PRR12: variants seen among roughly 807,000 people sequenced by gnomAD.
PRR12 encodes proline-rich protein 12.
In PRR12, 12 loss-of-function variants were observed where a neutral mutation model predicts 138.0. That is an observed-to-expected ratio of 0.09 (90% CI 0.06 to 0.14). The LOEUF (loss-of-function observed/expected upper bound fraction) is 0.14, where lower values mean the gene tolerates loss of function less well. Ranked by LOEUF, PRR12 falls within the 10% of genes least tolerant of loss-of-function variation. The pLI is 1.00. For missense variants in PRR12, 2,692 were observed against 2,861.3 expected (o/e 0.94, Z 1.35); for synonymous variants, 1,567 against 1,291.7 (o/e 1.21, Z -4.57).
At position 49,616,293 on chromosome 19, in the gene PRR12, T is replaced by C. The variant is rs1162205238; in HGVS notation, c.5497+74T>C. 1.4e-5 allele frequency: 19 copies of C among 1,326,180 alleles called. No individual in the cohort carries two copies. The highest frequency in any genetic ancestry group is 1.9e-5 in the Non-Finnish European group (19 of 990,004). 82.2% of individuals were successfully genotyped at this position (1,326,180 alleles called of 1,614,324 possible). A position where few individuals can be genotyped will look rare whatever the true frequency, so the allele number is the denominator to read the frequency against. On this transcript the variant is annotated intron_variant, in intron 9 of 13. Transcript: ENST00000418929. The surrounding 1 kb of genome is among the most constrained non-coding windows in gnomAD (Gnocchi z 4.2). The stretch of plus-strand genomic sequence containing the variant: ...CACAGGTGAGGGCTGTCCAGAGGGC[T>C]CCAGGTAGCCTTGGCAGGACAGTAA...
Position 49,596,676 on chromosome 19 carries a change from C to A in PRR12, c.2341C>A (p.Leu781Ile). 2 of 1,604,964 alleles carry A rather than the reference C, an allele frequency of 1.2e-6. No homozygotes were observed. The highest frequency in any genetic ancestry group is 1.7e-6 in the Non-Finnish European group (2 of 1,178,534). Residue 781 changes from leucine (L) to isoleucine (I), a missense_variant, in exon 4 of 14, where the codon CTC (leucine) becomes ATC (isoleucine). Physicochemically the swap from Leu to Ile is conservative, Grantham distance 5. This residue lies in a region of PRR12 where 840 missense variants were observed against 689.8 expected (regional missense o/e 1.22). Coordinates refer to ENST00000418929, the MANE Select transcript of PRR12 (RefSeq NM_020719.3). This position sits in a 1 kb window ranked among gnomAD's most constrained non-coding sequence, Gnocchi z 5.6. ...AQSTQPTPHG[L>I]LLEAGGPDLP... ...GTCTACCCAGCCCACTCCCCATGGC[C>A]TCCTTCTGGAGGCCGGGGGCCCTGA... is the stretch of plus-strand genomic sequence containing the variant.
At chr19:49,603,409 G>A (rs943996977) in intron 6 of PRR12, among the ~76,000 whole-genome samples, 1 of 152,218 alleles carries the variant, frequency 6.6e-6, no homozygotes, top group Non-Finnish European at 1.5e-5. Flanking sequence ...ATTTAATCTT[G>A]GCGGGGCATG....
intron 9 of PRR12, among the ~76,000 whole-genome samples, chr19:49,618,858 G>C (rs947413918): frequency 2.6e-5 from 4 of 151,772 alleles, no homozygotes; most frequent in Non-Finnish European, 4.4e-5. Flanking sequence ...CTGGACTTCA[G>C]CCTCACTCCT....
At chr19:49,619,224 GTTTTTTTTTTTT>G (rs34027784) in intron 9 of PRR12, among the ~76,000 whole-genome samples, 161 of 79,792 alleles carry the variant, frequency 2.0e-3, no homozygotes, top group African/African-American at 8.2e-3. Context: ...CCTCCTGTGA[GTTTTTTTTTTTT>G]TTTTTTTTTT....
At position 49,591,795 on chromosome 19, in the gene PRR12, G is replaced by A. The variant is rs537297552; in HGVS notation, c.86+55G>A. 165 of 507,500 alleles carry A rather than the reference G, an allele frequency of 3.3e-4. No individual in the cohort carries two copies. The African/African-American group carries it at 0.018, about 56-fold the overall frequency. 31.4% of individuals were successfully genotyped at this position (507,500 alleles called of 1,614,324 possible). A position where few individuals can be genotyped will look rare whatever the true frequency, so the allele number is the denominator to read the frequency against. On this transcript the variant is annotated intron_variant, in intron 1 of 13. Transcript: ENST00000418929. The stretch of plus-strand genomic sequence containing the variant: ...GGGCCAAGGGGTGGGAGCCCAGCCG[G>A]GCCGGGCCGGGCCGGGCCGGGCCCG...
chr19:49,598,052 G>A, intron 4 of PRR12, 39 bp downstream of exon 4: 1 of 1,292,082 alleles, frequency 7.7e-7, no homozygotes, highest in Non-Finnish European at 9.8e-7. Flanking sequence ...TAGGGGAGGA[G>A]GAGCTGTGTC....
intron 11 of PRR12, among the ~76,000 whole-genome samples, chr19:49,624,388 T>G (rs1479255100): frequency 6.7e-6 from 1 of 148,428 alleles, no homozygotes; most frequent in African/African-American, 2.5e-5. Flanking sequence ...GGCTGAGAAT[T>G]CTGGGATAGA....
chr19:49,612,228 CAAA>C (rs1170293912), intron 6 of PRR12, among the ~76,000 whole-genome samples: 6 of 53,452 alleles, frequency 1.1e-4, no homozygotes, highest in Non-Finnish European at 1.2e-4. Flanking sequence ...GACTCTGTCT[CAAA>C]AAAAAAAAAA....
chr19:49,612,522 A>C (rs1359829892), intron 6 of PRR12, among the ~76,000 whole-genome samples: 1 of 152,102 alleles, frequency 6.6e-6, no homozygotes, highest in Non-Finnish European at 1.5e-5. Context: ...TACCAAGCCC[A>C]GTGAGAATGT....
chr19:49,607,068 A>G (rs1411704566), intron 6 of PRR12, among the ~76,000 whole-genome samples: 1 of 151,870 alleles, frequency 6.6e-6, no homozygotes, highest in East Asian at 1.9e-4. Flanking sequence ...AGGACGAGGC[A>G]GGATTGTTTG....
chr19:49,612,047 A>G (rs1440443097), intron 6 of PRR12, among the ~76,000 whole-genome samples: 2 of 151,566 alleles, frequency 1.3e-5, no homozygotes, highest in Non-Finnish European at 2.9e-5. Flanking sequence ...CCTGGCCAAC[A>G]TGGTGAAACC....
chr19:49,613,496 C>G (rs749368664), intron 6 of PRR12, among the ~76,000 whole-genome samples: 1 of 152,228 alleles, frequency 6.6e-6, no homozygotes, highest in Non-Finnish European at 1.5e-5. Context: ...GTGTGACTCA[C>G]GTCCATCAGT....
At chr19:49,601,140 G>A (rs903511281) in intron 5 of PRR12, among the ~76,000 whole-genome samples, 11 of 152,184 alleles carry the variant, frequency 7.2e-5, no homozygotes, top group African/African-American at 2.2e-4. Context: ...GGAGGGAGGA[G>A]GATGAGGCCT....
chr19:49,591,820 G>T (rs1285227174), intron 1 of PRR12, 80 bp downstream of exon 1: 1 of 823,592 alleles, frequency 1.2e-6, no homozygotes, highest in South Asian at 4.1e-5. Context: ...GGCCGGGCCC[G>T]CCCGGCGACG....
chr19:49,612,615 G>A (rs1415851510), intron 6 of PRR12, among the ~76,000 whole-genome samples: 1 of 152,052 alleles, frequency 6.6e-6, no homozygotes, highest in Non-Finnish European at 1.5e-5. Flanking sequence ...GGGGGCAGAG[G>A]TAGGGGTGGT....
chr19:49,601,130 G>A (rs2080807797), intron 5 of PRR12, among the ~76,000 whole-genome samples: 1 of 152,170 alleles, frequency 6.6e-6, no homozygotes, highest in Admixed American at 6.6e-5. Context: ...AGATGGTCCT[G>A]GAGGGAGGAG....
chr19:49,611,970 C>A (rs1599797263), intron 6 of PRR12, among the ~76,000 whole-genome samples: 1 of 142,620 alleles, frequency 7.0e-6, no homozygotes. Flanking sequence ...CAGTGGCTCA[C>A]CCCTGTAATC....
chr19:49,612,919 C>T (rs2080873953), intron 6 of PRR12, among the ~76,000 whole-genome samples: 1 of 151,980 alleles, frequency 6.6e-6, no homozygotes, highest in Non-Finnish European at 1.5e-5. Flanking sequence ...CCTCGGCCTC[C>T]CAAAATGTTG....
rs796376119 is a variant in PRR12 at position 49,596,747 on chromosome 19, G to A, written c.2412G>A (p.Ser804=). 5 of 1,600,054 alleles carry A rather than the reference G, an allele frequency of 3.1e-6. No individual in the cohort carries two copies. In the African/African-American group the frequency reaches 6.8e-5, roughly 22 times the overall value. ...LPPPPPQLLP[S]VLSHAPSPSP... ...CGCCTCCCCCCCAGCTGCTCCCCTC[G>A]GTCCTCAGCCATGCCCCCAGTCCCT... Residue 804 remains serine, a synonymous_variant, in exon 4 of 14, where the codon TCG becomes TCA. Transcript: ENST00000418929. This position sits in a 1 kb window ranked among gnomAD's most constrained non-coding sequence, Gnocchi z 5.6.
Sources: gnomAD v4.1 joint callset for allele counts (sites outside exome capture counted in the v4.1 genomes callset) on GRCh38, gnomAD v4.1.1 for gene constraint, gnomAD v4.1.1 regional missense constraint, Gnocchi (gnomAD v3.1) non-coding constraint, MANE v1.5 for transcripts, NCBI Gene and HGNC (gene_info 2026-07-23, HGNC 2026-07-21) for gene names.